The following RFX3 variants were observed in gnomAD, a reference collection of about 807,000 sequenced individuals.
RFX3 encodes regulatory factor X3, also known as transcription factor RFX3.
A neutral mutation model predicts 98.6 loss-of-function variants in RFX3; 14 were observed. That is an observed-to-expected ratio of 0.14 (90% CI 0.09 to 0.22). The LOEUF (loss-of-function observed/expected upper bound fraction) is 0.22, where lower values mean the gene tolerates loss of function less well. RFX3 is among the 10% of genes least tolerant of loss of function. The pLI is 1.00. For synonymous variants in RFX3, 383 were observed against 328.4 expected, an observed-to-expected ratio of 1.17 and a Z score of -1.80; for missense variants, 639 against 926.9, an observed-to-expected ratio of 0.69 and a Z score of 4.03.
intron 3 of RFX3, among the ~76,000 whole-genome samples, chr9:3,334,925 G>C (rs965016704): frequency 6.6e-6 from 1 of 151,988 alleles, no homozygotes; most frequent in Non-Finnish European, 1.5e-5. Flanking sequence ...TTCGAGACCA[G>C]CCTGGCAAAC....
At chr9:3,481,241 C>A (rs1849733148) in intron 1 of RFX3, among the ~76,000 whole-genome samples, 1 of 152,124 alleles carries the variant, frequency 6.6e-6, no homozygotes, top group South Asian at 2.1e-4. Context: ...AAAATCCATT[C>A]TTAGCATCTA....
Position 3,504,267 on chromosome 9 carries a change from T to C in RFX3, c.-9+21480A>G, listed in dbSNP as rs887932866. Among the ~76,000 whole-genome samples the C allele has an allele frequency of 1.1e-3, 145 of 128,702 alleles. 1 individual carries two copies. Among genetic ancestry groups the C allele is most frequent in the African/African-American group, 4.2e-3 (137 of 32,270 alleles). The allele number at this position is 128,702 out of a possible 152,430, so 84.4% of individuals were successfully genotyped here. ...TATATATTTTATATATAATATATAC[T>C]ATATTGTATATAACATATAAAATAT... On this transcript the variant is annotated intron_variant, in intron 1 of 16. Coordinates refer to ENST00000617270, the MANE Select transcript of RFX3 (RefSeq NM_001282116.2).
intron 1 of RFX3, among the ~76,000 whole-genome samples, chr9:3,398,444 G>A (rs1183452686): frequency 1.3e-5 from 2 of 152,162 alleles, no homozygotes; most frequent in African/African-American, 4.8e-5. Context: ...TAGTAAGAGT[G>A]AGGCAATGCT....
chr9:3,351,210 A>G (rs1183945017), intron 2 of RFX3, among the ~76,000 whole-genome samples: 1 of 151,590 alleles, frequency 6.6e-6, no homozygotes, highest in Non-Finnish European at 1.5e-5. Context: ...TTTTATGGAA[A>G]TCTCTGTACC....
intron 11 of RFX3, among the ~76,000 whole-genome samples, chr9:3,268,916 T>C (rs1824012484): frequency 6.6e-6 from 1 of 151,930 alleles, no homozygotes; most frequent in African/African-American, 2.4e-5. Context: ...AAATTTTATG[T>C]TGGTAGTAAG....
chr9:3,442,677 A>G (rs1293745221), intron 1 of RFX3, among the ~76,000 whole-genome samples: 1 of 152,232 alleles, frequency 6.6e-6, no homozygotes, highest in East Asian at 1.9e-4. Flanking sequence ...ATGGGGGTAT[A>G]TGGGAACCTC....
chr9:3,475,906 T>C (rs577359304), intron 1 of RFX3, among the ~76,000 whole-genome samples: 1 of 152,306 alleles, frequency 6.6e-6, no homozygotes, highest in African/African-American at 2.4e-5. Context: ...CCCTTCGCAC[T>C]GACGCTACCA....
At chr9:3,470,426 T>C (rs1160575092) in intron 1 of RFX3, among the ~76,000 whole-genome samples, 1 of 151,702 alleles carries the variant, frequency 6.6e-6, no homozygotes, top group East Asian at 1.9e-4. Context: ...GCCATTCTCC[T>C]GCCTTAGCCT....
chr9:3,474,038 G>T (rs956787101), intron 1 of RFX3, among the ~76,000 whole-genome samples: 1 of 152,176 alleles, frequency 6.6e-6, no homozygotes, highest in African/African-American at 2.4e-5. Flanking sequence ...TAAAACCAAA[G>T]AATTTGCATG....
In RFX3 at chr9:3,248,062, T is replaced by G; in HGVS notation, c.1938A>C (p.Thr646=). The change falls in exon 15 of 17, where the codon ACA becomes ACC. Residue 646 remains threonine (T), a synonymous_variant. Coordinates refer to ENST00000617270, the MANE Select transcript of RFX3 (RefSeq NM_001282116.2). The part of the protein sequence containing the change: ...YLVEHRVAQA[T]GETPIAVMGE... ...CCATGACTGCTATAGGAGTCTCTCC[T>G]GTTGCCTGAGCAACACGATGTTCTA... The G allele has an allele frequency of 6.2e-7, 1 of 1,614,074 alleles. No individual in the cohort carries two copies. The highest frequency in any genetic ancestry group is 8.5e-7 in the Non-Finnish European group (1 of 1,179,944).
intron 1 of RFX3, among the ~76,000 whole-genome samples, chr9:3,505,121 TTA>T (rs1372088716): frequency 4.0e-5 from 4 of 99,530 alleles, no homozygotes; most frequent in Non-Finnish European, 7.1e-5. Context: ...TATTTTATTT[TTA>T]TATATTTATA....
At chr9:3,398,770 C>T (rs998496215) in intron 1 of RFX3, among the ~76,000 whole-genome samples, 20 of 151,886 alleles carry the variant, frequency 1.3e-4, no homozygotes, top group African/African-American at 4.8e-4. Flanking sequence ...TGGTCTATGA[C>T]CCACACTTTG....
chr9:3,399,720 G>T (rs577787998), intron 1 of RFX3, among the ~76,000 whole-genome samples: 1 of 152,054 alleles, frequency 6.6e-6, no homozygotes, highest in Non-Finnish European at 1.5e-5. Flanking sequence ...GGGAGGCCAA[G>T]TGGGGCAGAT....
intron 9 of RFX3, 150 bp from the exon 10 acceptor site, chr9:3,271,268 A>T: frequency 1.7e-6 from 1 of 575,350 alleles, no homozygotes; most frequent in Non-Finnish European, 3.0e-6. Flanking sequence ...TTACCAAAGG[A>T]AGTGGAAGAA....
intron 4 of RFX3, among the ~76,000 whole-genome samples, chr9:3,312,215 G>C (rs986435213): frequency 6.6e-6 from 1 of 152,182 alleles, no homozygotes; most frequent in African/African-American, 2.4e-5. Context: ...TTTGTATGTA[G>C]ATGTGCACTC....
intron 12 of RFX3, among the ~76,000 whole-genome samples, chr9:3,265,219 A>G (rs532018211): frequency 9.9e-4 from 150 of 152,266 alleles, no homozygotes; most frequent in African/African-American, 3.5e-3. Context: ...TTTTCATTTC[A>G]CTTAATTTAA....
intron 1 of RFX3, among the ~76,000 whole-genome samples, chr9:3,497,973 C>G (rs1486176322): frequency 1.3e-5 from 2 of 151,952 alleles, no homozygotes; most frequent in Admixed American, 1.3e-4. Context: ...CAAATGCTGA[C>G]ACAAAAGATG....
intron 1 of RFX3, among the ~76,000 whole-genome samples, chr9:3,438,406 G>A (rs1487648675): frequency 6.6e-6 from 1 of 151,944 alleles, no homozygotes; most frequent in Non-Finnish European, 1.5e-5. Context: ...CAACAGAGAT[G>A]CTTAAAGGGT....
chr9:3,350,040 A>C (rs892500776), intron 2 of RFX3, among the ~76,000 whole-genome samples: 22 of 152,164 alleles, frequency 1.4e-4, no homozygotes, highest in Admixed American at 1.2e-3. Flanking sequence ...TGTGTAGAAA[A>C]TCTAGATAAC....
Sources: gnomAD v4.1 joint callset for allele counts (sites outside exome capture counted in the v4.1 genomes callset) on GRCh38, gnomAD v4.1.1 for gene constraint, MANE v1.5 for transcripts, NCBI Gene and HGNC (gene_info 2026-07-23, HGNC 2026-07-21) for gene names.